Variants in CEP120 observed in about 807,000 individuals in gnomAD.
The protein encoded by CEP120 is centrosomal protein 120, also known as centrosomal protein of 120 kDa.
CEP120 carries 113 observed loss-of-function variants against 126.5 expected under a neutral mutation model. That is an observed-to-expected ratio of 0.89 (90% confidence interval 0.77 to 1.04). CEP120 has a LOEUF of 1.04. CEP120 is among the 50% of genes least tolerant of loss of function. The probability of loss-of-function intolerance (pLI) is 0.00; values close to 1 mark genes in which losing one functional copy is unlikely to be tolerated. For synonymous variants in CEP120, 400 were observed against 394.3 expected, an observed-to-expected ratio of 1.01 and a Z score of -0.17; for missense variants, 1,230 against 1,155.7, an observed-to-expected ratio of 1.06 and a Z score of -0.93.
chr5:123,396,694 T>C lies in CEP120; in HGVS notation c.612+2442A>G, dbSNP rs548281091. Among the ~76,000 whole-genome samples the C allele has an allele frequency of 6.8e-4, 104 of 152,306 alleles. 1 individual carries two copies. The highest frequency in any genetic ancestry group is 2.5e-3 in the African/African-American group (102 of 41,582). The stretch of plus-strand genomic sequence containing the variant: ...AAAAAGGTTAAGTAACTTGCCTAAG[T>C]TGAAGGAGCTAGAAAACAGAATGAG... On this transcript the variant is annotated intron_variant, in intron 5 of 19. Transcript: ENST00000306467.
chr5:123,415,891 T>C, intron 3 of CEP120, 119 bp downstream of exon 3: 1 of 592,638 alleles, frequency 1.7e-6, no homozygotes, highest in Non-Finnish European at 2.9e-6. Flanking sequence ...ACTGCCATAT[T>C]GGCTCAAGTC....
rs1000057251 is a variant in CEP120, at chr5:123,346,313, T to A, written c.*206A>T. 6.7e-6 allele frequency: 3 copies of A among 449,326 alleles called. No individual in the cohort carries two copies. The highest frequency in any genetic ancestry group is 6.1e-5 in the African/African-American group (3 of 49,520). 27.8% of individuals were successfully genotyped at this position (449,326 alleles called of 1,614,324 possible). A position where few individuals can be genotyped will look rare whatever the true frequency, so the allele number is the denominator to read the frequency against. ...TGAAAAGTCATTTAAAATGAGTATATAAATGCAAATTACAAATAAAACCAG... is the reference window on the plus strand; with the variant it reads ...TGAAAAGTCATTTAAAATGAGTATAAAAATGCAAATTACAAATAAAACCAG... On this transcript the variant is annotated 3_prime_UTR_variant, in exon 20 of 20. Coordinates refer to ENST00000306467, the MANE Select transcript of CEP120 (RefSeq NM_001375405.1).
In CEP120 at chr5:123,377,498, T is replaced by C. The variant is rs1771321313; in HGVS notation, c.2234A>G (p.Gln745Arg). Residue 745 changes from glutamine to arginine, a missense_variant, in exon 16 of 20, where the codon CAG becomes CGG. Physicochemically the swap from Gln to Arg is conservative, Grantham distance 43. Coordinates refer to ENST00000306467, the MANE Select transcript of CEP120 (RefSeq NM_001375405.1). ...REKKELQSER[Q>R]RNLQELQDSI... The stretch of plus-strand genomic sequence containing the variant: ...GTCCTGCAGTTCTTGCAGGTTCCGC[T>C]GACGTTCTGATTGCAGTTCCTTTTT... 2 of 1,594,708 alleles carry C rather than the reference T, an allele frequency of 1.3e-6. No individual in the cohort carries two copies. The highest frequency in any genetic ancestry group is 2.3e-5 in the South Asian group (2 of 86,324).
rs758721098 is a variant in CEP120 at position 123,372,724 on chromosome 5, G to A, written c.2407C>T (p.Gln803Ter). The change falls in exon 17 of 20, where the codon CAG becomes TAG. Residue 803 changes from glutamine (Q) to a stop codon, truncating the protein, a stop_gained. Transcript: ENST00000306467. LOFTEE classifies it high-confidence loss of function. Reference sequence around the variant, plus strand: ...TTGTTGTTTTGCTGGTCCTTGAACTGTTGGAACTCTTTTTCCAAAATCTTA... The same window carrying A: ...TTGTTGTTTTGCTGGTCCTTGAACTATTGGAACTCTTTTTCCAAAATCTTA... ...KYKILEKEFQ[Q>*]FKDQQNNKPE... 2 of 1,608,048 alleles carry A rather than the reference G, an allele frequency of 1.2e-6. No individual in the cohort carries two copies. Among genetic ancestry groups the A allele is most frequent in the Non-Finnish European group, 1.7e-6 (2 of 1,177,056 alleles).
intron 11 of CEP120, among the ~76,000 whole-genome samples, chr5:123,383,654 A>G (rs1393363040): frequency 1.3e-5 from 2 of 152,112 alleles, no homozygotes; most frequent in East Asian, 3.9e-4. Context: ...GTACATACTC[A>G]TAAATATTTT....
At chr5:123,394,151 A>G (rs983306825) in intron 5 of CEP120, among the ~76,000 whole-genome samples, 4 of 152,258 alleles carry the variant, frequency 2.6e-5, no homozygotes, top group Admixed American at 1.3e-4. Context: ...ACAATAAGCT[A>G]TAAACATTTA....
chr5:123,378,143 T>C (rs1438015607), intron 15 of CEP120, among the ~76,000 whole-genome samples, 193 bp downstream of exon 15: 1 of 124,052 alleles, frequency 8.1e-6, no homozygotes, highest in Non-Finnish European at 1.8e-5. Flanking sequence ...TCCACCTCTT[T>C]GTAAATAATT....
chr5:123,400,316 A>T (rs796670807), intron 4 of CEP120, among the ~76,000 whole-genome samples: 70 of 152,212 alleles, frequency 4.6e-4, no homozygotes, highest in African/African-American at 1.7e-3. Flanking sequence ...AAGCTTTTAT[A>T]GAGTTGTTGA....
intron 6 of CEP120, among the ~76,000 whole-genome samples, chr5:123,392,464 A>T (rs1459138936): frequency 6.6e-6 from 1 of 152,210 alleles, no homozygotes; most frequent in African/African-American, 2.4e-5. Flanking sequence ...AGTTTGATCA[A>T]AAGGAAGTGT....
intron 17 of CEP120, among the ~76,000 whole-genome samples, chr5:123,370,781 T>C: frequency 6.8e-6 from 1 of 147,514 alleles, no homozygotes; most frequent in East Asian, 2.0e-4. Context: ...TATATATGTA[T>C]ATTTTTCTAC....
chr5:123,350,657 T>C (rs1276148358), intron 18 of CEP120, among the ~76,000 whole-genome samples: 1 of 152,200 alleles, frequency 6.6e-6, no homozygotes, highest in East Asian at 1.9e-4. Flanking sequence ...TAACTGTCCC[T>C]ATACAAATCA....
intron 18 of CEP120, among the ~76,000 whole-genome samples, chr5:123,357,302 A>C (rs1769707956): frequency 6.6e-6 from 1 of 151,942 alleles, no homozygotes; most frequent in African/African-American, 2.4e-5. Flanking sequence ...GATATTTTTG[A>C]ATCTATGAAG....
intron 4 of CEP120, among the ~76,000 whole-genome samples, 190 bp downstream of exon 4, chr5:123,412,209 A>G (rs1285559784): frequency 6.6e-6 from 1 of 152,122 alleles, no homozygotes; most frequent in Admixed American, 6.5e-5. Flanking sequence ...TAAAGAATAA[A>G]TTTTCCTATT....
At chr5:123,349,050 G>C (rs1769023657) in intron 19 of CEP120, among the ~76,000 whole-genome samples, 1 of 152,008 alleles carries the variant, frequency 6.6e-6, no homozygotes, top group Admixed American at 6.6e-5. Context: ...ACTAAGCTAA[G>C]AAGTCTTCCC....
At chr5:123,374,279 C>G (rs980855203) in intron 16 of CEP120, among the ~76,000 whole-genome samples, 5 of 151,966 alleles carry the variant, frequency 3.3e-5, no homozygotes, top group African/African-American at 7.2e-5. Context: ...GAGGCAATGT[C>G]AAAGACCTAG....
chr5:123,381,947 G>C (rs1771677184), intron 14 of CEP120, among the ~76,000 whole-genome samples, 164 bp downstream of exon 14: 1 of 151,940 alleles, frequency 6.6e-6, no homozygotes, highest in African/African-American at 2.4e-5. Flanking sequence ...ATACTTTACA[G>C]TGAAACGCCT....
At chr5:123,407,462 C>T (rs1356626892) in intron 4 of CEP120, among the ~76,000 whole-genome samples, 2 of 152,126 alleles carry the variant, frequency 1.3e-5, no homozygotes, top group Non-Finnish European at 2.9e-5. Context: ...GAACAGACTT[C>T]AGACCAAAGA....
intron 18 of CEP120, among the ~76,000 whole-genome samples, chr5:123,359,183 A>G (rs555303103): frequency 2.6e-5 from 4 of 152,208 alleles, no homozygotes; most frequent in Non-Finnish European, 4.4e-5. Context: ...TGTTTTAACT[A>G]AATATATCAG....
At chr5:123,373,604 G>A (rs1485134136) in intron 16 of CEP120, among the ~76,000 whole-genome samples, 1 of 152,046 alleles carries the variant, frequency 6.6e-6, no homozygotes, top group Non-Finnish European at 1.5e-5. Flanking sequence ...TACTTATGGA[G>A]AAGGCCTACA....
Sources: gnomAD v4.1 joint callset for allele counts (sites outside exome capture counted in the v4.1 genomes callset) on GRCh38, gnomAD v4.1.1 for gene constraint, MANE v1.5 for transcripts, NCBI Gene and HGNC (gene_info 2026-07-23, HGNC 2026-07-21) for gene names.